Variants in HP1BP3 observed in about 807,000 individuals in gnomAD.
HP1BP3 encodes the protein heterochromatin protein 1-binding protein 3.
HP1BP3 carries 12 observed loss-of-function variants against 62.5 expected under a neutral mutation model. The observed-to-expected ratio is 0.19, with a 90% CI of 0.12 to 0.31. The LOEUF is 0.31. Among genes scored for constraint, HP1BP3 ranks in the 10% least tolerant of loss-of-function variants. The pLI is 1.00. For missense variants in HP1BP3, 502 were observed against 651.8 expected, an observed-to-expected ratio of 0.77 and a Z score of 2.50; for synonymous variants, 260 against 237.8, an observed-to-expected ratio of 1.09 and a Z score of -0.86.
intron 4 of HP1BP3, chr1:20,775,952 T>C: frequency 6.6e-7 from 1 of 1,517,488 alleles, no homozygotes. Flanking sequence ...TAAAAGCAAT[T>C]TCTAACTGTT....
intron 5 of HP1BP3, among the ~76,000 whole-genome samples, chr1:20,772,797 T>A (rs992209376): frequency 7.9e-5 from 12 of 152,136 alleles, no homozygotes; most frequent in African/African-American, 2.7e-4. Context: ...ACTTATACAA[T>A]AAAGGCAATG....
Position 20,779,683 on chromosome 1 carries a change from T to C in HP1BP3, c.196+129A>G, listed in dbSNP as rs192612359. 33 of 570,680 alleles carry C rather than the reference T, an allele frequency of 5.8e-5. No individual in the cohort carries two copies. The East Asian group carries it at 1.0e-3, about 18-fold the overall frequency. 35.4% of individuals were successfully genotyped at this position (570,680 alleles called of 1,614,324 possible). A position where few individuals can be genotyped will look rare whatever the true frequency, so the allele number is the denominator to read the frequency against. On this transcript the variant is annotated intron_variant, in intron 3 of 12. Coordinates refer to ENST00000438032, the MANE Select transcript of HP1BP3 (RefSeq NM_001372052.1). ...CATACCAATAGCTACTGATTCTCTCTAAATGTTTCCCCAAAACACTTAGCC... is the reference window on the plus strand; with the variant it reads ...CATACCAATAGCTACTGATTCTCTCCAAATGTTTCCCCAAAACACTTAGCC...
chr1:20,745,208 T>G (rs1031921072), intron 12 of HP1BP3, 117 bp from the exon 13 acceptor site: 1 of 1,187,396 alleles, frequency 8.4e-7, no homozygotes, highest in African/African-American at 1.5e-5. Flanking sequence ...ACGTTAAGAA[T>G]AGGAATGTGA....
intron 6 of HP1BP3, among the ~76,000 whole-genome samples, chr1:20,769,886 G>C (rs561325957): frequency 7.2e-5 from 11 of 152,296 alleles, no homozygotes; most frequent in Non-Finnish European, 1.0e-4. Context: ...GAGCTGAAAT[G>C]CCTGAGTGGC....
Position 20,771,078 on chromosome 1 carries a change from A to G in HP1BP3, c.511-5T>C, listed in dbSNP as rs1278399792. ...ACCACTCTTCTGGAAGCATGCCTAG[A>G]AAAGATTTATTAAACTAGTTGTTTT... On this transcript the variant is annotated splice_region_variant and splice_polypyrimidine_tract_variant and intron_variant, in intron 5 of 12. Coordinates refer to ENST00000438032, the MANE Select transcript of HP1BP3 (RefSeq NM_001372052.1). 6.3e-7 allele frequency: 1 copy of G among 1,591,680 alleles called. No homozygotes were observed. The highest frequency in any genetic ancestry group is 8.5e-7 in the Non-Finnish European group (1 of 1,172,672).
chr1:20,746,846 T>C (rs1427586167), intron 11 of HP1BP3, among the ~76,000 whole-genome samples: 1 of 151,972 alleles, frequency 6.6e-6, no homozygotes, highest in Non-Finnish European at 1.5e-5. Flanking sequence ...AAGACCCCCA[T>C]CTCTACAAAA....
At chr1:20,760,186 C>T (rs2056384298) in intron 8 of HP1BP3, among the ~76,000 whole-genome samples, 1 of 152,062 alleles carries the variant, frequency 6.6e-6, no homozygotes, top group African/African-American at 2.4e-5. Context: ...CACACCCAGC[C>T]CTACAGACTG....
chr1:20,781,346 T>C (rs529419091), intron 1 of HP1BP3, among the ~76,000 whole-genome samples: 1 of 152,200 alleles, frequency 6.6e-6, no homozygotes, highest in African/African-American at 2.4e-5. Flanking sequence ...ATGACAGTCA[T>C]GCAACTTCTA....
Position 20,767,641 on chromosome 1 carries a change from T to G in HP1BP3, c.678A>C (p.Gly226=), listed in dbSNP as rs759804892. ...IKQVKGKGAS[G]SFVVVQKSRK... ...TTGATTTCTGAACCACAACAAAACT[T>G]CCAGAAGCACCTTTTCCTTTAACCT... The change falls in exon 7 of 13, where the codon GGA becomes GGC. Residue 226 remains glycine (G), a synonymous_variant. Transcript: ENST00000438032. 6.2e-7 allele frequency: 1 copy of G among 1,609,870 alleles called. No homozygotes were observed. The highest frequency in any genetic ancestry group is 8.5e-7 in the Non-Finnish European group (1 of 1,178,142).
chr1:20,784,459 A>G (rs575874572), intron 1 of HP1BP3, among the ~76,000 whole-genome samples: 1 of 150,080 alleles, frequency 6.7e-6, no homozygotes, highest in South Asian at 2.1e-4. Context: ...AACAAATAAA[A>G]CTTATTTGTG....
chr1:20,773,376 G>A, intron 5 of HP1BP3, 75 bp downstream of exon 5: 2 of 1,323,396 alleles, frequency 1.5e-6, no homozygotes, highest in East Asian at 2.4e-5. Flanking sequence ...TGTCTAGACA[G>A]ATATATGCCA....
At chr1:20,745,707 A>T in intron 11 of HP1BP3, 51 bp from the exon 12 acceptor site, 1 of 1,591,038 alleles carries the variant, frequency 6.3e-7, no homozygotes, top group Non-Finnish European at 8.6e-7. Flanking sequence ...AAAACAAGAA[A>T]AATAATGTGA....
chr1:20,780,305 T>C (rs766596854), intron 2 of HP1BP3, 40 bp downstream of exon 2: 16 of 1,432,304 alleles, frequency 1.1e-5, no homozygotes, highest in Admixed American at 1.7e-5. Flanking sequence ...AAGTCAGGGA[T>C]TGATCCAAGA....
intron 4 of HP1BP3, 25 bp from the exon 5 acceptor site, chr1:20,773,635 T>C (rs761334693): frequency 4.0e-6 from 6 of 1,499,654 alleles, no homozygotes; most frequent in Non-Finnish European, 5.4e-6. Context: ...ATTGTTATTA[T>C]AGAAGATAAG....
intron 1 of HP1BP3, among the ~76,000 whole-genome samples, chr1:20,784,857 T>C (rs1308000244): frequency 1.3e-5 from 2 of 152,226 alleles, no homozygotes; most frequent in East Asian, 1.9e-4. Context: ...GGTCCTCTTA[T>C]GAACATCAGC....
Position 20,746,186 on chromosome 1 carries a change from A to ATATGTGTGTGTGTGTG in HP1BP3, c.1254-531_1254-530insCACACACACACACATA, listed in dbSNP as rs1286650893. Among the ~76,000 whole-genome samples the ATATGTGTGTGTGTGTG allele has an allele frequency of 7.2e-3, 1,035 of 143,174 alleles. 23 individuals carry two copies. The highest frequency in any genetic ancestry group is 0.024 in the African/African-American group (893 of 37,078). 93.9% of individuals were successfully genotyped at this position (143,174 alleles called of 152,430 possible). A position where few individuals can be genotyped will look rare whatever the true frequency, so the allele number is the denominator to read the frequency against. On this transcript the variant is annotated intron_variant, in intron 11 of 12. Transcript: ENST00000438032. The stretch of plus-strand genomic sequence containing the variant: ...CTTAAATGATAACATACATACATAT[A>ATATGTGTGTGTGTGTG]TGTGTGTGTGTGTGTGTGTGTGTGT...
chr1:20,759,051 C>T (rs1489527672), intron 8 of HP1BP3, among the ~76,000 whole-genome samples: 2 of 152,158 alleles, frequency 1.3e-5, no homozygotes, highest in East Asian at 3.9e-4. Context: ...CAATTAAGGA[C>T]ATTTGAACAT....
intron 5 of HP1BP3, among the ~76,000 whole-genome samples, chr1:20,772,361 T>C (rs2154541052): frequency 6.6e-6 from 1 of 152,382 alleles, no homozygotes; most frequent in Admixed American, 6.5e-5. Flanking sequence ...TTTTAAAGTT[T>C]CAGCCCTTTT....
chr1:20,783,944 G>A (rs1030484613), intron 1 of HP1BP3, among the ~76,000 whole-genome samples: 5 of 152,086 alleles, frequency 3.3e-5, no homozygotes, highest in South Asian at 2.1e-4. Context: ...TATATGCAAC[G>A]TTAATTCACA....
Sources: gnomAD v4.1 joint callset for allele counts (sites outside exome capture counted in the v4.1 genomes callset) on GRCh38, gnomAD v4.1.1 for gene constraint, MANE v1.5 for transcripts, NCBI Gene and HGNC (gene_info 2026-07-23, HGNC 2026-07-21) for gene names.